Variants in COL1A2 observed in about 807,000 individuals in gnomAD.
COL1A2 encodes collagen alpha-2(I) chain.
Under a neutral mutation model 174.3 loss-of-function variants are expected in COL1A2, and 49 were observed. The observed-to-expected ratio is 0.28, with a 90% CI of 0.22 to 0.36. The LOEUF is 0.36. COL1A2 is among the 10% of genes least tolerant of loss of function. The pLI is 1.00. For synonymous variants in COL1A2, 655 were observed against 606.6 expected, an observed-to-expected ratio of 1.08 and a Z score of -1.17; for missense variants, 1,438 against 1,822.7, an observed-to-expected ratio of 0.79 and a Z score of 3.84.
chr7:94,410,156 G>C, intron 19 of COL1A2, 86 bp from the exon 20 acceptor site: 1 of 1,386,926 alleles, frequency 7.2e-7, no homozygotes, highest in East Asian at 2.3e-5. Context: ...TCTTTACCTT[G>C]ACCCACAAAT....
At chr7:94,408,088 T>C in intron 13 of COL1A2, 95 bp from the exon 14 acceptor site, 1 of 1,371,372 alleles carries the variant, frequency 7.3e-7, no homozygotes, top group Non-Finnish European at 1.0e-6. Flanking sequence ...TTTAGTGTAT[T>C]CTTGTACAGG....
In COL1A2 at chr7:94,427,729, T is replaced by C; in HGVS notation, c.3370T>C (p.Ser1124Pro). 1 of 1,614,180 alleles carries C rather than the reference T, an allele frequency of 6.2e-7. No individual in the cohort carries two copies. ...CTTCTACAGGGCTGACCAGCCTCGC[T>C]CAGCACCTTCTCTCAGACCCAAGGA... ...GDFYRADQPR[S>P]APSLRPKDYE... Residue 1124 changes from serine (S) to proline (P), a missense_variant, in exon 49 of 52, where the codon TCA (serine) becomes CCA (proline). By Grantham distance (74) the Ser-to-Pro change is moderately conservative. Around this residue, in one of 3 missense-constraint regions of COL1A2, gnomAD observed 290 missense variants for 298.1 expected, o/e 0.97. Coordinates refer to ENST00000297268, the MANE Select transcript of COL1A2 (RefSeq NM_000089.4).
chr7:94,415,996 G>A (rs989955732), intron 30 of COL1A2, among the ~76,000 whole-genome samples: 5 of 152,006 alleles, frequency 3.3e-5, no homozygotes, highest in African/African-American at 1.2e-4. Context: ...AGGGGGCATA[G>A]ATAGGAGAAT....
chr7:94,419,477 A>C, intron 33 of COL1A2, 21 bp from the exon 34 acceptor site: 1 of 1,613,832 alleles, frequency 6.2e-7, no homozygotes, highest in Non-Finnish European at 8.5e-7. Flanking sequence ...TTAATAAGAC[A>C]TGTTTCCTTT....
intron 26 of COL1A2, 52 bp downstream of exon 26, chr7:94,413,188 C>A (rs777613110): frequency 8.4e-6 from 13 of 1,550,326 alleles, no homozygotes; most frequent in Middle Eastern, 1.7e-4. Context: ...ATCTAAGAAC[C>A]ACACTTTTTT....
At chr7:94,399,024 T>C (rs1791635024) in intron 3 of COL1A2, 25 bp from the exon 4 acceptor site, 2 of 1,611,242 alleles carry the variant, frequency 1.2e-6, no homozygotes, top group Admixed American at 3.3e-5. Flanking sequence ...CATTTATTAT[T>C]GTCCTGTTTG....
intron 12 of COL1A2, among the ~76,000 whole-genome samples, chr7:94,406,937 C>A (rs970678980): frequency 6.6e-6 from 1 of 152,106 alleles, no homozygotes; most frequent in African/African-American, 2.4e-5. Context: ...CAGAAATGAA[C>A]ATGAATATGG....
chr7:94,411,635 T>C (rs947497790), intron 23 of COL1A2, among the ~76,000 whole-genome samples: 2 of 152,174 alleles, frequency 1.3e-5, no homozygotes, highest in African/African-American at 4.8e-5. Context: ...AATAGAGTAA[T>C]TTTTTTGCCT....
At chr7:94,426,604 C>A in intron 46 of COL1A2, 74 bp downstream of exon 46, 2 of 1,133,758 alleles carry the variant, frequency 1.8e-6, no homozygotes, top group African/African-American at 1.5e-5. Context: ...TTCATATTTT[C>A]ACTGCTATTG....
intron 32 of COL1A2, 76 bp from the exon 33 acceptor site, chr7:94,418,423 G>GA (rs1056889379): frequency 7.6e-7 from 1 of 1,309,806 alleles, no homozygotes; most frequent in Non-Finnish European, 1.1e-6. Flanking sequence ...CTGTAAAAAA[G>GA]AAAAAAACTT....
In COL1A2 at chr7:94,430,591, T is replaced by TC. The variant is rs541338694; in HGVS notation, c.*203dup. On this transcript the variant is annotated 3_prime_UTR_variant, in exon 52 of 52. Coordinates refer to ENST00000297268, the MANE Select transcript of COL1A2 (RefSeq NM_000089.4). ...CAGTTTCATTAACTCCTTCCCCCGC[T>TC]CCCCCAAAAATTTGAATTTTTTTTT... 3.0e-5 allele frequency: 18 copies of TC among 599,554 alleles called. No homozygotes were observed. In the South Asian group the frequency reaches 3.9e-4, roughly 13 times the overall value. 37.1% of individuals were successfully genotyped at this position (599,554 alleles called of 1,614,324 possible). A position where few individuals can be genotyped will look rare whatever the true frequency, so the allele number is the denominator to read the frequency against.
At position 94,412,167 on chromosome 7, in the gene COL1A2, C is replaced by A. The variant is rs751780592; in HGVS notation, c.1404+46C>A. Reference sequence around the variant, plus strand: ...ATTATATTTTCAAGGACACTTATTGCACCCTTATCAAGTCTATTTTGTGGC... The same window carrying A: ...ATTATATTTTCAAGGACACTTATTGAACCCTTATCAAGTCTATTTTGTGGC... On this transcript the variant is annotated intron_variant, in intron 24 of 51. Transcript: ENST00000297268. 1.0e-5 allele frequency: 15 copies of A among 1,505,208 alleles called. No individual in the cohort carries two copies. In the Middle Eastern group the frequency reaches 8.5e-4, roughly 85 times the overall value. 93.2% of individuals were successfully genotyped at this position (1,505,208 alleles called of 1,614,324 possible).
In COL1A2 at chr7:94,420,604, G is replaced by A. The variant is rs72658176; in HGVS notation, c.2251G>A (p.Gly751Ser). Reference sequence around the variant, plus strand: ...AGCCAAAGGGCCTAAGGGTGAAAACGGTGTTGTTGGTCCCACAGGCCCCGT... The same window carrying A: ...AGCCAAAGGGCCTAAGGGTGAAAACAGTGTTGTTGGTCCCACAGGCCCCGT... ...RGAKGPKGEN[G>S]VVGPTGPVGA... Residue 751 changes from glycine to serine, a missense_variant, in exon 37 of 52, where the codon GGT becomes AGT. By Grantham distance (56) the Gly-to-Ser change is moderately conservative (BLOSUM62 0). Around this residue, in one of 3 missense-constraint regions of COL1A2, gnomAD observed 867 missense variants for 1,213.7 expected, o/e 0.71. Coordinates refer to ENST00000297268, the MANE Select transcript of COL1A2 (RefSeq NM_000089.4). 6 of 1,611,600 alleles carry A rather than the reference G, an allele frequency of 3.7e-6. No homozygotes were observed. Among genetic ancestry groups the A allele is most frequent in the South Asian group, 1.1e-5 (1 of 90,556 alleles).
chr7:94,413,664 T>G (rs1415185446), intron 26 of COL1A2, 26 bp from the exon 27 acceptor site: 3 of 1,612,752 alleles, frequency 1.9e-6, no homozygotes, highest in Non-Finnish European at 1.7e-6. Flanking sequence ...CAGCTAACCA[T>G]CAGCCTTTCT....
intron 5 of COL1A2, among the ~76,000 whole-genome samples, chr7:94,401,060 G>A (rs1248605853): frequency 6.6e-6 from 1 of 151,990 alleles, no homozygotes; most frequent in Non-Finnish European, 1.5e-5. Flanking sequence ...TCTTCCAAGG[G>A]GTATTTTAAT....
chr7:94,401,755 TG>T (rs1298920196), intron 6 of COL1A2, 135 bp downstream of exon 6: 2 of 461,498 alleles, frequency 4.3e-6, no homozygotes, highest in African/African-American at 4.1e-5. Flanking sequence ...CAACTCTTTT[TG>T]TTTTCAAATT....
chr7:94,416,479 AC>A lies in COL1A2; in HGVS notation c.1844del (p.Pro615GlnfsTer67). 1.9e-6 allele frequency: 3 copies of A among 1,577,856 alleles called. No individual in the cohort carries two copies. The highest frequency in any genetic ancestry group is 8.6e-7 in the Non-Finnish European group (1 of 1,160,818). ...CTATTGGAAGCCGAGGTCCTTCTGG[AC>A]CCCCAGGGCCTGATGGAAACAAGGT... ...GPIGSRGPSG[P>X]PGPDGNKGEP... On this transcript the variant is annotated frameshift_variant, in exon 31 of 52. Coordinates refer to ENST00000297268, the MANE Select transcript of COL1A2 (RefSeq NM_000089.4). LOFTEE classifies it high-confidence loss of function.
intron 5 of COL1A2, among the ~76,000 whole-genome samples, chr7:94,401,243 T>C (rs1431297137): frequency 6.6e-6 from 1 of 152,026 alleles, no homozygotes; most frequent in Non-Finnish European, 1.5e-5. Context: ...ACATTAAAAG[T>C]TTAGAAAGCT....
intron 16 of COL1A2, 21 bp downstream of exon 16, chr7:94,408,844 T>G (rs2115890520): frequency 1.2e-6 from 2 of 1,611,244 alleles, no homozygotes; most frequent in South Asian, 1.1e-5. Flanking sequence ...TGGTGACCAT[T>G]GTCACTACTT....
Sources: gnomAD v4.1 joint callset for allele counts (sites outside exome capture counted in the v4.1 genomes callset) on GRCh38, gnomAD v4.1.1 for gene constraint, gnomAD v4.1.1 regional missense constraint, MANE v1.5 for transcripts, NCBI Gene and HGNC (gene_info 2026-07-23, HGNC 2026-07-21) for gene names.